The following BRIP1 variants were observed in gnomAD, a reference collection of about 807,000 sequenced individuals.
BRIP1 encodes the protein BRCA1 interacting DNA helicase 1, also known as Fanconi anemia group J protein.
A neutral mutation model predicts 119.7 loss-of-function variants in BRIP1; 88 were observed. That is an observed-to-expected ratio of 0.74 (90% CI 0.62 to 0.88). The LOEUF (loss-of-function observed/expected upper bound fraction) is 0.88, where lower values mean the gene tolerates loss of function less well. Among genes scored for constraint, BRIP1 ranks in the 40% least tolerant of loss-of-function variants. The probability of loss-of-function intolerance (pLI) is 0.00; values close to 1 mark genes in which losing one functional copy is unlikely to be tolerated. For missense variants in BRIP1, 1,259 were observed against 1,455.4 expected (o/e 0.87, Z 2.20); for synonymous variants, 443 against 496.5 (o/e 0.89, Z 1.43).
In BRIP1 at chr17:61,775,024, A is replaced by G. The variant is rs2077512876; in HGVS notation, c.2097+1377T>C. 1.3e-5 allele frequency among the ~76,000 whole-genome samples: 2 copies of G among 152,202 alleles called. No individual in the cohort carries two copies. On this transcript the variant is annotated intron_variant, in intron 14 of 19. Transcript: ENST00000259008. The surrounding 1 kb of genome is among the most constrained non-coding windows in gnomAD (Gnocchi z 4.4). ...TAACTGTGGAGTGAGTACAGTTTCC[A>G]TAATCCCATAAATAACTTTTCTTCC...
In BRIP1 at chr17:61,849,513, C is replaced by T. The variant is rs554740096; in HGVS notation, c.380-257G>A. Among the ~76,000 whole-genome samples the T allele has an allele frequency of 3.3e-5, 5 of 152,202 alleles. 1 individual carries two copies. Among genetic ancestry groups the T allele is most frequent in the Admixed American group, 1.3e-4 (2 of 15,302 alleles). ...GCCTTATGTACTTGTAGACTACTCC[C>T]AATAACATGATTTAAAATGTATAAC... On this transcript the variant is annotated intron_variant, in intron 4 of 19. Coordinates refer to ENST00000259008, the MANE Select transcript of BRIP1 (RefSeq NM_032043.3).
chr17:61,754,416 T>C lies in BRIP1; in HGVS notation c.2098-9825A>G, dbSNP rs1355222816. Reference sequence around the variant, plus strand: ...CACTGTCACCTTCTCAGATAGGCCTTCCCAAACCATCCAATTAAATTCTAA... The same window carrying C: ...CACTGTCACCTTCTCAGATAGGCCTCCCCAAACCATCCAATTAAATTCTAA... On this transcript the variant is annotated intron_variant, in intron 14 of 19. Coordinates refer to ENST00000259008, the MANE Select transcript of BRIP1 (RefSeq NM_032043.3). This position sits in a 1 kb window ranked among gnomAD's most constrained non-coding sequence, Gnocchi z 4.1. Among the ~76,000 whole-genome samples the C allele has an allele frequency of 6.6e-6, 1 of 152,022 alleles. No individual in the cohort carries two copies. The highest frequency in any genetic ancestry group is 1.5e-5 in the Non-Finnish European group (1 of 68,000).
Position 61,768,732 on chromosome 17 carries a change from T to C in BRIP1, c.2097+7669A>G, listed in dbSNP as rs1345054297. On this transcript the variant is annotated intron_variant, in intron 14 of 19. Coordinates refer to ENST00000259008, the MANE Select transcript of BRIP1 (RefSeq NM_032043.3). The surrounding 1 kb of genome is among the most constrained non-coding windows in gnomAD (Gnocchi z 5.0). The stretch of plus-strand genomic sequence containing the variant: ...AACCTGCATAAACTTCTCCCCGTTG[T>C]GAGATAAAAATAAGACTTTACTTCC... 3.3e-5 allele frequency among the ~76,000 whole-genome samples: 5 copies of C among 152,074 alleles called. No individual in the cohort carries two copies. Among genetic ancestry groups the C allele is most frequent in the Non-Finnish European group, 7.4e-5 (5 of 68,024 alleles).
At chr17:61,792,987 A>G (rs2077842430) in intron 10 of BRIP1, among the ~76,000 whole-genome samples, 1 of 152,172 alleles carries the variant, frequency 6.6e-6, no homozygotes, top group African/African-American at 2.4e-5. Flanking sequence ...CCTTCTGCTT[A>G]ATTTTTCTCT....
At chr17:61,826,279 A>T (rs186037031) in intron 6 of BRIP1, among the ~76,000 whole-genome samples, 52 of 152,320 alleles carry the variant, frequency 3.4e-4, no homozygotes, top group African/African-American at 1.2e-3. Context: ...GTAAAACAAA[A>T]ACTATAAAAA....
Position 61,780,699 on chromosome 17 carries a change from G to T in BRIP1, c.1794+141C>A, listed in dbSNP as rs1244349694. Reference sequence around the variant, plus strand: ...GCTGAGATTGCACCACTGCACTCCAGCCTGGGTGAAGAGCAAGACCCTGCC... The same window carrying T: ...GCTGAGATTGCACCACTGCACTCCATCCTGGGTGAAGAGCAAGACCCTGCC... On this transcript the variant is annotated intron_variant, in intron 12 of 19. Transcript: ENST00000259008. The surrounding 1 kb of genome is among the most constrained non-coding windows in gnomAD (Gnocchi z 5.4). 13 of 1,043,022 alleles carry T rather than the reference G, an allele frequency of 1.2e-5. No individual in the cohort carries two copies. The East Asian group carries it at 2.2e-4, about 18-fold the overall frequency. The allele number at this position is 1,043,022 out of a possible 1,614,324, so 64.6% of individuals were successfully genotyped here. A position where few individuals can be genotyped will look rare whatever the true frequency, so the allele number is the denominator to read the frequency against.
chr17:61,762,678 C>T lies in BRIP1; in HGVS notation c.2097+13723G>A, dbSNP rs1567796455. ...AAATTAAAACCATGATGAAACATTACCTTATGCCTGTAACAATGGCTACTG... is the reference window on the plus strand; with the variant it reads ...AAATTAAAACCATGATGAAACATTATCTTATGCCTGTAACAATGGCTACTG... On this transcript the variant is annotated intron_variant, in intron 14 of 19. Coordinates refer to ENST00000259008, the MANE Select transcript of BRIP1 (RefSeq NM_032043.3). This position sits in a 1 kb window ranked among gnomAD's most constrained non-coding sequence, Gnocchi z 4.3. 1.3e-5 allele frequency among the ~76,000 whole-genome samples: 2 copies of T among 152,038 alleles called. No homozygotes were observed. Among genetic ancestry groups the T allele is most frequent in the East Asian group, 1.9e-4 (1 of 5,192 alleles).
At chr17:61,765,192 A>T (rs562249934) in intron 14 of BRIP1, among the ~76,000 whole-genome samples, 18 of 150,634 alleles carry the variant, frequency 1.2e-4, no homozygotes, top group Non-Finnish European at 2.5e-4. Flanking sequence ...AGCATCAAAA[A>T]ATTGACCAAG....
chr17:61,780,709 A>G lies in BRIP1; in HGVS notation c.1794+131T>C, dbSNP rs572387069. The G allele has an allele frequency of 3.1e-5, 35 of 1,138,326 alleles. No individual in the cohort carries two copies. In the African/African-American group the frequency reaches 4.6e-4, roughly 15 times the overall value. The allele number at this position is 1,138,326 out of a possible 1,614,324, so 70.5% of individuals were successfully genotyped here. A position where few individuals can be genotyped will look rare whatever the true frequency, so the allele number is the denominator to read the frequency against. ...CACCACTGCACTCCAGCCTGGGTGA[A>G]GAGCAAGACCCTGCCTCAAAACAAC... On this transcript the variant is annotated intron_variant, in intron 12 of 19. Coordinates refer to ENST00000259008, the MANE Select transcript of BRIP1 (RefSeq NM_032043.3). This position sits in a 1 kb window ranked among gnomAD's most constrained non-coding sequence, Gnocchi z 5.4.
intron 6 of BRIP1, among the ~76,000 whole-genome samples, chr17:61,835,697 A>T (rs1012596167): frequency 6.9e-6 from 1 of 145,830 alleles, no homozygotes; most frequent in Admixed American, 6.8e-5. Context: ...ACATACTGTT[A>T]AAAAAAAAAA....
intron 3 of BRIP1, among the ~76,000 whole-genome samples, chr17:61,858,856 T>C (rs1294398898): frequency 1.3e-5 from 2 of 152,142 alleles, no homozygotes; most frequent in African/African-American, 4.8e-5. Flanking sequence ...ATGTAGTTTA[T>C]ATAGTCTTTC....
At chr17:61,787,497 G>C (rs1454784832) in intron 10 of BRIP1, among the ~76,000 whole-genome samples, 2 of 137,218 alleles carry the variant, frequency 1.5e-5, no homozygotes, top group East Asian at 4.0e-4. Flanking sequence ...CTTTAAAAAG[G>C]TAAATTTTAA....
chr17:61,698,855 T>C (rs1461933664), intron 17 of BRIP1, among the ~76,000 whole-genome samples: 2 of 151,832 alleles, frequency 1.3e-5, no homozygotes, highest in African/African-American at 2.4e-5. Context: ...GCTGGGATTA[T>C]AGGCACATGC....
chr17:61,691,607 C>T lies in BRIP1; in HGVS notation c.2575+1823G>A, dbSNP rs935502665. On this transcript the variant is annotated intron_variant, in intron 18 of 19. Coordinates refer to ENST00000259008, the MANE Select transcript of BRIP1 (RefSeq NM_032043.3). The surrounding 1 kb of genome is among the most constrained non-coding windows in gnomAD (Gnocchi z 5.0). ...AATAGTTGAGATTACAGGCACCCGCCACCGCACCCGGCTAATTTTTGTATT... is the reference window on the plus strand; with the variant it reads ...AATAGTTGAGATTACAGGCACCCGCTACCGCACCCGGCTAATTTTTGTATT... 5.3e-5 allele frequency among the ~76,000 whole-genome samples: 8 copies of T among 152,144 alleles called. No homozygotes were observed. Among genetic ancestry groups the T allele is most frequent in the Non-Finnish European group, 8.8e-5 (6 of 68,026 alleles).
rs571696749 is a variant in BRIP1, at chr17:61,703,439, G to T, written c.2493-9927C>A. Reference sequence around the variant, plus strand: ...TCATATGCTTCTTGGCCACATGCATGTCTCCTTTTGAGAAATGTCTGTTCA... The same window carrying T: ...TCATATGCTTCTTGGCCACATGCATTTCTCCTTTTGAGAAATGTCTGTTCA... On this transcript the variant is annotated intron_variant, in intron 17 of 19. Coordinates refer to ENST00000259008, the MANE Select transcript of BRIP1 (RefSeq NM_032043.3). The surrounding 1 kb of genome is among the most constrained non-coding windows in gnomAD (Gnocchi z 5.0). Among the ~76,000 whole-genome samples, 1 of 152,298 alleles carries T rather than the reference G, an allele frequency of 6.6e-6. No individual in the cohort carries two copies. The highest frequency in any genetic ancestry group is 1.5e-5 in the Non-Finnish European group (1 of 68,026).
Position 61,846,635 on chromosome 17 carries a change from C to T in BRIP1, c.627+466G>A, listed in dbSNP as rs1357912947. On this transcript the variant is annotated intron_variant, in intron 6 of 19. Coordinates refer to ENST00000259008, the MANE Select transcript of BRIP1 (RefSeq NM_032043.3). The surrounding 1 kb of genome is among the most constrained non-coding windows in gnomAD (Gnocchi z 4.3). Reference sequence around the variant, plus strand: ...CTCGTGAACTCAAGTGATCCACCCGCCTTGGCCTCCCAAAGTGCTGGGATT... The same window carrying T: ...CTCGTGAACTCAAGTGATCCACCCGTCTTGGCCTCCCAAAGTGCTGGGATT... Among the ~76,000 whole-genome samples, 1 of 152,180 alleles carries T rather than the reference C, an allele frequency of 6.6e-6. No individual in the cohort carries two copies. Among genetic ancestry groups the T allele is most frequent in the Non-Finnish European group, 1.5e-5 (1 of 68,028 alleles).
rs1447544706 is a variant in BRIP1, at chr17:61,683,881, G to C, written c.3165C>G (p.Ser1055=). 2.5e-6 allele frequency: 4 copies of C among 1,614,140 alleles called. No homozygotes were observed. The highest frequency in any genetic ancestry group is 2.2e-5 in the East Asian group (1 of 44,880). Residue 1055 remains serine (S), a synonymous_variant, in exon 20 of 20, where the codon TCC becomes TCG. Coordinates refer to ENST00000259008, the MANE Select transcript of BRIP1 (RefSeq NM_032043.3). This position sits in a 1 kb window ranked among gnomAD's most constrained non-coding sequence, Gnocchi z 4.7. The stretch of plus-strand genomic sequence containing the variant: ...ACGATGTGTTTACTGTCAGATTTGA[G>C]GATTCACATTTATCAGTGAAGGGCA... ...TVLPFTDKCE[S]SNLTVNTSFG... is the part of the protein sequence containing the mutation.
intron 6 of BRIP1, among the ~76,000 whole-genome samples, chr17:61,836,260 G>A (rs1242736586): frequency 6.6e-6 from 1 of 151,720 alleles, no homozygotes; most frequent in African/African-American, 2.4e-5. Context: ...ACAGGCATGA[G>A]CCACCACACC....
chr17:61,792,104 G>A (rs534403495), intron 10 of BRIP1, among the ~76,000 whole-genome samples: 1 of 152,184 alleles, frequency 6.6e-6, no homozygotes, highest in Non-Finnish European at 1.5e-5. Flanking sequence ...GTCTTGCTAT[G>A]TTGCTCAGGC....
Sources: gnomAD v4.1 joint callset for allele counts (sites outside exome capture counted in the v4.1 genomes callset) on GRCh38, gnomAD v4.1.1 for gene constraint, Gnocchi (gnomAD v3.1) non-coding constraint, MANE v1.5 for transcripts, NCBI Gene and HGNC (gene_info 2026-07-23, HGNC 2026-07-21) for gene names.